The following PLEKHG4 variants were observed in gnomAD, a reference collection of about 807,000 sequenced individuals.
PLEKHG4 encodes the protein puratrophin-1.
PLEKHG4 carries 85 observed loss-of-function variants against 136.9 expected under a neutral mutation model. The observed-to-expected ratio is 0.62, with a 90% confidence interval of 0.52 to 0.74. The LOEUF is 0.74. Among genes scored for constraint, PLEKHG4 ranks in the 30% least tolerant of loss-of-function variants. The probability of loss-of-function intolerance (pLI) is 0.00; values close to 1 mark genes in which losing one functional copy is unlikely to be tolerated. For missense variants in PLEKHG4, 1,317 were observed against 1,527.8 expected, an observed-to-expected ratio of 0.86 and a Z score of 2.30; for synonymous variants, 577 against 646.9, an observed-to-expected ratio of 0.89 and a Z score of 1.64.
chr16:67,282,422 C>G (rs1209610518), intron 9 of PLEKHG4, 73 bp downstream of exon 9: 25 of 1,612,924 alleles, frequency 1.5e-5, no homozygotes, highest in Middle Eastern at 1.6e-4. Context: ...CTGGCTAGCT[C>G]AGAACCTGGT....
chr16:67,279,924 C>T lies in PLEKHG4; in HGVS notation c.-121C>T, dbSNP rs1207767132. The T allele has an allele frequency of 2.0e-6, 2 of 977,100 alleles. No individual in the cohort carries two copies. Among genetic ancestry groups the T allele is most frequent in the South Asian group, 1.6e-5 (1 of 61,544 alleles). 60.5% of individuals were successfully genotyped at this position (977,100 alleles called of 1,614,324 possible). On this transcript the variant is annotated 5_prime_UTR_variant, in exon 2 of 22. Transcript: ENST00000379344. ...CTGGCACTAAGACTGGCACCTCCTG[C>T]GGCCCATGCCCTTCGCCTGCATTGC... is the stretch of plus-strand genomic sequence containing the variant.
Position 67,282,849 on chromosome 16 carries a change from G to A in PLEKHG4, c.1500G>A (p.Gln500=). 1 of 1,612,784 alleles carries A rather than the reference G, an allele frequency of 6.2e-7. No homozygotes were observed. Among genetic ancestry groups the A allele is most frequent in the Non-Finnish European group, 8.5e-7 (1 of 1,179,520 alleles). ...AAGGCTCTTTTCAGGAGCTGTACCA[G>A]GTTGCCCAGGTATATGTGGTCACTT... is the stretch of plus-strand genomic sequence containing the variant. ...QAQGSFQELY[Q]VAQEQVRQGE... is the part of the protein sequence containing the mutation. Residue 500 remains glutamine, a synonymous_variant, in exon 11 of 22, where the codon CAG becomes CAA. Coordinates refer to ENST00000379344, the MANE Select transcript of PLEKHG4 (RefSeq NM_001129729.3).
At chr16:67,282,718 T>G (rs1391545171) in intron 10 of PLEKHG4, 24 bp from the exon 11 acceptor site, 3 of 1,613,264 alleles carry the variant, frequency 1.9e-6, no homozygotes, top group African/African-American at 2.7e-5. Context: ...CTCTCTTCAC[T>G]TTTCCCTGCT....
chr16:67,280,695 C>A lies in PLEKHG4; in HGVS notation c.500-16C>A, dbSNP rs781024158. On this transcript the variant is annotated splice_polypyrimidine_tract_variant and intron_variant, in intron 2 of 21. Coordinates refer to ENST00000379344, the MANE Select transcript of PLEKHG4 (RefSeq NM_001129729.3). This position sits in a 1 kb window ranked among gnomAD's most constrained non-coding sequence, Gnocchi z 4.4. Reference sequence around the variant, plus strand: ...TAGGTGGTCCAAGGCAGACCCAAGTCATTTCCCTTCCCAAGCCCCCAGTGG... The same window carrying A: ...TAGGTGGTCCAAGGCAGACCCAAGTAATTTCCCTTCCCAAGCCCCCAGTGG... The A allele has an allele frequency of 1.9e-6, 3 of 1,614,032 alleles. No homozygotes were observed. The highest frequency in any genetic ancestry group is 2.2e-5 in the South Asian group (2 of 91,076).
intron 18 of PLEKHG4, 65 bp from the exon 19 acceptor site, chr16:67,287,833 G>T (rs755671576): frequency 2.1e-5 from 21 of 1,009,434 alleles, no homozygotes; most frequent in Non-Finnish European, 2.4e-5. Context: ...TATCTGGGGG[G>T]TGGTAGAGGC....
Position 67,288,391 on chromosome 16 carries a change from C to A in PLEKHG4, c.3445C>A (p.Pro1149Thr). 1 of 1,612,014 alleles carries A rather than the reference C, an allele frequency of 6.2e-7. No homozygotes were observed. Among genetic ancestry groups the A allele is most frequent in the South Asian group, 1.1e-5 (1 of 91,086 alleles). Residue 1149 changes from proline to threonine, a missense_variant, in exon 20 of 22, where the codon CCC (proline) becomes ACC (threonine). Coordinates refer to ENST00000379344, the MANE Select transcript of PLEKHG4 (RefSeq NM_001129729.3). ...GGCTGAGGCAGAGCTGGGCGGCCAGCCCTCTTTGAGTATGTCTGGGCCTAG... is the reference window on the plus strand; with the variant it reads ...GGCTGAGGCAGAGCTGGGCGGCCAGACCTCTTTGAGTATGTCTGGGCCTAG... Reference protein sequence around the residue: ...LEAEAELGGQPSLTAEDSEIS... With the variant: ...LEAEAELGGQTSLTAEDSEIS...
intron 7 of PLEKHG4, 32 bp from the exon 8 acceptor site, chr16:67,281,977 G>A: frequency 6.3e-7 from 1 of 1,592,336 alleles, no homozygotes; most frequent in African/African-American, 1.3e-5. Flanking sequence ...AACACTGCAT[G>A]CTGCTCCGGT....
In PLEKHG4 at chr16:67,287,206, A is replaced by G. The variant is rs754740037; in HGVS notation, c.3103+29A>G. On this transcript the variant is annotated intron_variant, in intron 18 of 21. Transcript: ENST00000379344. ...GGTCCATGCCCCTCCTTCACGCCAC[A>G]CTCCCCTCACTGGAGAGCTTACATT... 3.8e-6 allele frequency: 6 copies of G among 1,596,292 alleles called. No homozygotes were observed. In the African/African-American group the frequency reaches 5.4e-5, roughly 14 times the overall value.
chr16:67,286,822 T>C lies in PLEKHG4; in HGVS notation c.2828T>C (p.Val943Ala). Residue 943 changes from valine (V) to alanine (A), a missense_variant, in exon 17 of 22, where the codon GTG (valine) becomes GCG (alanine). Coordinates refer to ENST00000379344, the MANE Select transcript of PLEKHG4 (RefSeq NM_001129729.3). ...FVVRTGRHKS[V>A]RRIFLFEELL... is the part of the protein sequence containing the mutation. ...GTGCGCACTGGGCGCCACAAGTCCG[T>C]GCGCCGCATCTTCCTTTTTGAGGAG... The C allele has an allele frequency of 6.2e-7, 1 of 1,613,968 alleles. No individual in the cohort carries two copies. Among genetic ancestry groups the C allele is most frequent in the East Asian group, 2.2e-5 (1 of 44,880 alleles).
chr16:67,287,145 A>G lies in PLEKHG4; in HGVS notation c.3071A>G (p.His1024Arg). 1 of 1,610,420 alleles carries G rather than the reference A, an allele frequency of 6.2e-7. No homozygotes were observed. Among genetic ancestry groups the G allele is most frequent in the Non-Finnish European group, 8.5e-7 (1 of 1,180,010 alleles). Reference protein sequence around the residue: ...IKQAWTADISHLLWRQAVHNK... With the variant: ...IKQAWTADISRLLWRQAVHNK... ...CAGGCCTGGACAGCTGACATCTCCC[A>G]CCTGCTTTGGAGGCAGGCCGTCCAC... Residue 1024 changes from histidine to arginine, a missense_variant, in exon 18 of 22, where the codon CAC becomes CGC. Coordinates refer to ENST00000379344, the MANE Select transcript of PLEKHG4 (RefSeq NM_001129729.3).
In PLEKHG4 at chr16:67,286,627, A is replaced by G; in HGVS notation, c.2715A>G (p.Gly905=). The change falls in exon 16 of 22, where the codon GGA becomes GGG. Residue 905 remains glycine (G), a synonymous_variant. Coordinates refer to ENST00000379344, the MANE Select transcript of PLEKHG4 (RefSeq NM_001129729.3). ...QSLVHFQLRH[G]NDLLAMDAIQ... ...TTGTGCACTTCCAGCTGCGGCACGGAAACGACCTGCTGGCCATGGACGCCA... is the reference window on the plus strand; with the variant it reads ...TTGTGCACTTCCAGCTGCGGCACGGGAACGACCTGCTGGCCATGGACGCCA... 3 of 1,565,270 alleles carry G rather than the reference A, an allele frequency of 1.9e-6. No individual in the cohort carries two copies. The highest frequency in any genetic ancestry group is 2.6e-6 in the Non-Finnish European group (3 of 1,154,402).
intron 5 of PLEKHG4, 65 bp downstream of exon 5, chr16:67,281,249 G>C: frequency 1.6e-6 from 2 of 1,255,766 alleles, no homozygotes; most frequent in Non-Finnish European, 1.2e-6. Context: ...TTGAGACGGA[G>C]TCTTGCCTTT....
Position 67,287,580 on chromosome 16 carries a change from T to C in PLEKHG4, c.3104-318T>C, listed in dbSNP as rs904761542. ...ATGCCTAATTTGTAAAATTTTTTCA[T>C]AGAGGTCTCATTATATTGCCCAGAC... On this transcript the variant is annotated intron_variant, in intron 18 of 21. Transcript: ENST00000379344. The C allele has an allele frequency of 1.2e-5, 6 of 488,648 alleles. No individual in the cohort carries two copies. In the Admixed American group the frequency reaches 1.6e-4, roughly 13 times the overall value. 30.3% of individuals were successfully genotyped at this position (488,648 alleles called of 1,614,324 possible).
At chr16:67,283,123 AT>A (rs916909865) in intron 11 of PLEKHG4, among the ~76,000 whole-genome samples, 1 of 151,958 alleles carries the variant, frequency 6.6e-6, no homozygotes, top group Non-Finnish European at 1.5e-5. Flanking sequence ...TTTTTGGGTG[AT>A]TTTTGAGCTG....
Position 67,280,725 on chromosome 16 carries a change from G to A in PLEKHG4, c.514G>A (p.Gly172Ser), listed in dbSNP as rs767930571. The A allele has an allele frequency of 1.5e-5, 24 of 1,613,976 alleles. No individual in the cohort carries two copies. The highest frequency in any genetic ancestry group is 1.6e-4 in the Middle Eastern group (1 of 6,084). The change falls in exon 3 of 22, where the codon GGC becomes AGC. Residue 172 changes from glycine (G) to serine (S), a missense_variant. Physicochemically the swap from Gly to Ser is moderately conservative, Grantham distance 56 (BLOSUM62 0). Transcript: ENST00000379344. This position sits in a 1 kb window ranked among gnomAD's most constrained non-coding sequence, Gnocchi z 4.4. ...CCCTTCCCAAGCCCCCAGTGGATCCGGCCTCCCTAAGCCTGCTGACTGCCT... is the reference window on the plus strand; with the variant it reads ...CCCTTCCCAAGCCCCCAGTGGATCCAGCCTCCCTAAGCCTGCTGACTGCCT... ...KLLEAAPSGSGLPKPADCLLA... is the reference protein window; with the variant it reads ...KLLEAAPSGSSLPKPADCLLA...
Position 67,286,488 on chromosome 16 carries a change from A to C in PLEKHG4, c.2576A>C (p.Tyr859Ser). The change falls in exon 16 of 22, where the codon TAC becomes TCC. Residue 859 changes from tyrosine (Y) to serine (S), a missense_variant. By Grantham distance (144) the Tyr-to-Ser change is moderately radical. Transcript: ENST00000379344. ...ALGDHLDLAS[Y>S]LLKPIQRMGK... is the part of the protein sequence containing the mutation. ...GGGGACCACCTGGACCTGGCCTCCT[A>C]CCTGCTAAAGCCCATCCAGCGCATG... 6.2e-7 allele frequency: 1 copy of C among 1,605,694 alleles called. No homozygotes were observed. Among genetic ancestry groups the C allele is most frequent in the Non-Finnish European group, 8.5e-7 (1 of 1,175,330 alleles).
chr16:67,281,911 G>T (rs913136448), intron 7 of PLEKHG4, 74 bp downstream of exon 7: 1 of 1,543,148 alleles, frequency 6.5e-7, no homozygotes. Flanking sequence ...CTCTGGGGCT[G>T]GCTTGAACCA....
intron 8 of PLEKHG4, 35 bp downstream of exon 8, chr16:67,282,142 C>T (rs2036259162): frequency 1.9e-6 from 3 of 1,613,102 alleles, no homozygotes; most frequent in Non-Finnish European, 2.5e-6. Flanking sequence ...CATGAATGCT[C>T]CCTGTCTCCC....
rs2036269499 is a variant in PLEKHG4 at position 67,282,302 on chromosome 16, A to G, written c.1206A>G (p.Thr402=). The part of the protein sequence containing the change: ...WLQCQGGREL[T]WLKQEVPEVT... ...AATGCCAGGGGGGCCGGGAGCTGAC[A>G]TGGCTGAAGCAAGAGGTCCCAGAGG... The change falls in exon 9 of 22, where the codon ACA becomes ACG. Residue 402 remains threonine (T), a synonymous_variant. Coordinates refer to ENST00000379344, the MANE Select transcript of PLEKHG4 (RefSeq NM_001129729.3). 7.4e-6 allele frequency: 12 copies of G among 1,613,036 alleles called. No homozygotes were observed. Among genetic ancestry groups the G allele is most frequent in the Non-Finnish European group, 8.5e-6 (10 of 1,179,988 alleles).
Sources: allele counts gnomAD v4.1 joint callset (sites outside exome capture counted in the v4.1 genomes callset), GRCh38; gene constraint gnomAD v4.1.1; non-coding constraint Gnocchi (gnomAD v3.1); transcripts MANE v1.5; gene names NCBI Gene and HGNC (gene_info 2026-07-23, HGNC 2026-07-21).